SH3BP4: variants seen among roughly 807,000 people sequenced by gnomAD.
SH3BP4 encodes the protein SH3 domain-binding protein 4.
A neutral mutation model predicts 65.5 loss-of-function variants in SH3BP4; 33 were observed. The observed-to-expected ratio is 0.50, with a 90% CI of 0.38 to 0.67. SH3BP4 has a LOEUF of 0.67. Among genes scored for constraint, SH3BP4 ranks in the 30% least tolerant of loss-of-function variants. The pLI is 0.00. For missense variants in SH3BP4, 1,134 were observed against 1,261.4 expected, an observed-to-expected ratio of 0.90 and a Z score of 1.53; for synonymous variants, 552 against 545.5, an observed-to-expected ratio of 1.01 and a Z score of -0.17.
chr2:235,023,553 TG>T (rs1348001003), intron 2 of SH3BP4, among the ~76,000 whole-genome samples: 1 of 151,288 alleles, frequency 6.6e-6, no homozygotes, highest in Non-Finnish European at 1.5e-5. Context: ...TCTCGGGCGG[TG>T]GGGTGGGGGG....
rs139175813 is a variant in SH3BP4, at chr2:235,033,762, G to C, written c.-132-1109G>C. Among the ~76,000 whole-genome samples, 1,087 of 152,306 alleles carry C rather than the reference G, an allele frequency of 7.1e-3. 5 individuals carry two copies. The highest frequency in any genetic ancestry group is 0.012 in the Non-Finnish European group (802 of 68,018). On this transcript the variant is annotated intron_variant, in intron 2 of 5. Coordinates refer to ENST00000392011, the MANE Select transcript of SH3BP4 (RefSeq NM_014521.3). This position sits in a 1 kb window ranked among gnomAD's most constrained non-coding sequence, Gnocchi z 5.7. ...ACATGGAGCCTGGGGGAAGAGTGGG[G>C]ATGGTCAGGGCTCCCACCCGGCTGC...
intron 4 of SH3BP4, among the ~76,000 whole-genome samples, chr2:235,047,048 G>C (rs538014739): frequency 6.6e-6 from 1 of 152,318 alleles, no homozygotes; most frequent in African/African-American, 2.4e-5. Context: ...TGTTCATTTG[G>C]AAAGGAGAGC....
In SH3BP4 at chr2:234,976,246, T is replaced by G. The variant is rs1693165309; in HGVS notation, c.-206-19057T>G. ...CAGCAGCAGCCCACCTGGCCAGGTTTGAAGGGCTTGGGCAGGACAGGTGGT... is the reference window on the plus strand; with the variant it reads ...CAGCAGCAGCCCACCTGGCCAGGTTGGAAGGGCTTGGGCAGGACAGGTGGT... On this transcript the variant is annotated intron_variant, in intron 1 of 5. Transcript: ENST00000392011. The surrounding 1 kb of genome is among the most constrained non-coding windows in gnomAD (Gnocchi z 4.7). Among the ~76,000 whole-genome samples the G allele has an allele frequency of 6.6e-6, 1 of 152,224 alleles. No homozygotes were observed. Among genetic ancestry groups the G allele is most frequent in the South Asian group, 2.1e-4 (1 of 4,832 alleles).
intron 1 of SH3BP4, among the ~76,000 whole-genome samples, chr2:234,987,440 T>C (rs767999762): frequency 2.6e-5 from 4 of 152,130 alleles, no homozygotes; most frequent in Admixed American, 6.5e-5. Context: ...ATGTTACAGT[T>C]GAGGAAAACG....
chr2:235,028,520 C>T (rs755432581), intron 2 of SH3BP4, among the ~76,000 whole-genome samples: 5 of 152,208 alleles, frequency 3.3e-5, no homozygotes, highest in Middle Eastern at 3.2e-3. Context: ...AGATACCTAC[C>T]GAGTTACCTC....
chr2:234,975,073 C>G (rs942792472), intron 1 of SH3BP4, among the ~76,000 whole-genome samples: 22 of 152,100 alleles, frequency 1.4e-4, no homozygotes, highest in Admixed American at 1.3e-4. Flanking sequence ...GGTTGGCTTG[C>G]GATGTATTTC....
At chr2:235,038,380 TATATATATATATATATATA>T (rs1695514909) in intron 3 of SH3BP4, among the ~76,000 whole-genome samples, 3 of 7,356 alleles carry the variant, frequency 4.1e-4, no homozygotes, top group Admixed American at 5.7e-3. Flanking sequence ...TATATACATA[TATATATATATATATATATA>T]TATATATATA....
chr2:234,988,352 C>CTGAGT (rs1693644897), intron 1 of SH3BP4, among the ~76,000 whole-genome samples: 3 of 152,206 alleles, frequency 2.0e-5, no homozygotes, highest in Non-Finnish European at 4.4e-5. Flanking sequence ...AGCCACCACA[C>CTGAGT]CCGGCCCGCC....
chr2:234,990,174 C>A (rs1186613458), intron 1 of SH3BP4, among the ~76,000 whole-genome samples: 1 of 152,172 alleles, frequency 6.6e-6, no homozygotes, highest in Non-Finnish European at 1.5e-5. Flanking sequence ...AAGCACTTCT[C>A]GTCCCAGGGA....
chr2:234,986,824 G>T (rs1230110162), intron 1 of SH3BP4, among the ~76,000 whole-genome samples: 37 of 135,742 alleles, frequency 2.7e-4, no homozygotes, highest in Non-Finnish European at 3.7e-4. Context: ...TTTTTTTTTT[G>T]ATGAAGTTTC....
chr2:235,025,090 C>A (rs1054864499), intron 2 of SH3BP4, among the ~76,000 whole-genome samples: 2 of 152,152 alleles, frequency 1.3e-5, no homozygotes, highest in African/African-American at 4.8e-5. Context: ...TTGCTGTCAG[C>A]CATCTGACAC....
chr2:234,996,053 A>G (rs781150021), intron 2 of SH3BP4: 7 of 152,134 alleles, frequency 4.6e-5, no homozygotes, highest in Non-Finnish European at 1.0e-4. Context: ...TAGAAGGAAC[A>G]CCCTCCTTTG....
intron 2 of SH3BP4, among the ~76,000 whole-genome samples, chr2:235,017,019 T>G (rs10048668): frequency 6.7e-6 from 1 of 148,230 alleles, no homozygotes; most frequent in East Asian, 2.0e-4. Flanking sequence ...GATCTCACTT[T>G]CGGCAGCGAG....
intron 1 of SH3BP4, among the ~76,000 whole-genome samples, chr2:234,981,240 A>G (rs1178216979): frequency 6.6e-6 from 1 of 152,098 alleles, no homozygotes; most frequent in Non-Finnish European, 1.5e-5. Flanking sequence ...TGGGTCATGG[A>G]CTGGTGCCTG....
rs767226204 is a variant in SH3BP4 at position 235,043,261 on chromosome 2, A to C, written c.2478+14A>C. On this transcript the variant is annotated intron_variant, in intron 4 of 5. Transcript: ENST00000392011. ...GAGCTTGTGATGGTGAGTGCTCAGC[A>C]GGTGCCTGGGCGTTCAGGGGTGCTG... The C allele has an allele frequency of 9.1e-6, 14 of 1,545,948 alleles. No homozygotes were observed. Among genetic ancestry groups the C allele is most frequent in the Non-Finnish European group, 1.2e-5 (14 of 1,143,064 alleles).
chr2:234,959,950 C>T (rs1574771770), intron 1 of SH3BP4, among the ~76,000 whole-genome samples: 1 of 152,170 alleles, frequency 6.6e-6, no homozygotes, highest in African/African-American at 2.4e-5. Flanking sequence ...CCTTGCCCGG[C>T]GAGGATTTGA....
chr2:234,968,292 A>G (rs1692890242), intron 1 of SH3BP4, among the ~76,000 whole-genome samples: 1 of 150,880 alleles, frequency 6.6e-6, no homozygotes, highest in Admixed American at 6.6e-5. Flanking sequence ...CGGCCACCTG[A>G]TGCCCAGTGA....
intron 3 of SH3BP4, among the ~76,000 whole-genome samples, chr2:235,038,372 TATACATATATATATATATATATA>T (rs1695506288): frequency 4.3e-5 from 2 of 46,634 alleles, no homozygotes; most frequent in Non-Finnish European, 6.8e-5. Context: ...ATATAATATA[TATACATATATATATATATATATA>T]TATATATATA....
At chr2:234,963,667 G>A (rs1253869982) in intron 1 of SH3BP4, among the ~76,000 whole-genome samples, 3 of 152,222 alleles carry the variant, frequency 2.0e-5, no homozygotes, top group Non-Finnish European at 4.4e-5. Context: ...TCCAGGAGGT[G>A]TTTCCGTTGG....
Sources: allele counts gnomAD v4.1 joint callset (sites outside exome capture counted in the v4.1 genomes callset), GRCh38; gene constraint gnomAD v4.1.1; non-coding constraint Gnocchi (gnomAD v3.1); transcripts MANE v1.5; gene names NCBI Gene and HGNC (gene_info 2026-07-23, HGNC 2026-07-21).